AKAP9: variants seen among roughly 807,000 people sequenced by gnomAD.
The protein encoded by AKAP9 is A-kinase anchor protein 9.
AKAP9 carries 311 observed loss-of-function variants against 488.5 expected under a neutral mutation model. The observed-to-expected ratio is 0.64, with a 90% CI of 0.58 to 0.70. The LOEUF (loss-of-function observed/expected upper bound fraction) is 0.70. Ranked by LOEUF, AKAP9 falls within the 30% of genes least tolerant of loss-of-function variation. The probability of loss-of-function intolerance (pLI) is 0.00; values close to 1 mark genes in which losing one functional copy is unlikely to be tolerated. For missense variants in AKAP9, 4,215 were observed against 4,374.5 expected (o/e 0.96, Z 1.03); for synonymous variants, 1,462 against 1,483.5 (o/e 0.99, Z 0.33).
intron 1 of AKAP9, among the ~76,000 whole-genome samples, chr7:91,971,275 ATTCT>A (rs987768203): frequency 2.0e-5 from 3 of 151,888 alleles, no homozygotes; most frequent in Non-Finnish European, 4.4e-5. Flanking sequence ...GCCTCTAATG[ATTCT>A]TTCTGTTCAG....
intron 16 of AKAP9, among the ~76,000 whole-genome samples, chr7:92,032,914 C>G (rs542751778): frequency 1.3e-5 from 2 of 151,960 alleles, no homozygotes; most frequent in African/African-American, 4.8e-5. Flanking sequence ...CCTTTAAATT[C>G]TTGTTCTTTT....
chr7:91,980,294 A>C lies in AKAP9; in HGVS notation c.312A>C (p.Glu104Asp). The change falls in exon 3 of 50, where the codon GAA (glutamate) becomes GAC (aspartate). Residue 104 changes from glutamate (E) to aspartate (D), a missense_variant. By Grantham distance (45) the Glu-to-Asp change is conservative. Coordinates refer to ENST00000356239, the MANE Select transcript of AKAP9 (RefSeq NM_005751.5). Reference sequence around the variant, plus strand: ...GGTTTTTATTTTTGTTTTAGCTGGAAAGTGAAATTTCAACCACAGCAGATG... The same window carrying C: ...GGTTTTTATTTTTGTTTTAGCTGGACAGTGAAATTTCAACCACAGCAGATG... ...SHEQGFSVEL[E>D]SEISTTADDC... is the part of the protein sequence containing the mutation. The C allele has an allele frequency of 6.3e-7, 1 of 1,583,954 alleles. No homozygotes were observed.
intron 5 of AKAP9, 45 bp downstream of exon 5, chr7:91,993,100 A>G: frequency 6.2e-7 from 1 of 1,607,882 alleles, no homozygotes; most frequent in Non-Finnish European, 8.5e-7. Context: ...TCACAAAAAC[A>G]AAAACAGGAA....
Position 91,973,871 on chromosome 7 carries a change from C to A in AKAP9, c.209C>A (p.Ser70Tyr), listed in dbSNP as rs765951390. 3.7e-6 allele frequency: 6 copies of A among 1,613,832 alleles called. No individual in the cohort carries two copies. Among genetic ancestry groups the A allele is most frequent in the Non-Finnish European group, 5.1e-6 (6 of 1,179,960 alleles). Residue 70 changes from serine (S) to tyrosine (Y), a missense_variant, in exon 2 of 50, where the codon TCT (serine) becomes TAT (tyrosine). Transcript: ENST00000356239. ...TGTAATGAAATGTACATAAATAGTT[C>A]TCAGAGAGTAGAATCAACTGTGATT... is the stretch of plus-strand genomic sequence containing the variant. ...SQCNEMYINS[S>Y]QRVESTVIPE...
intron 1 of AKAP9, among the ~76,000 whole-genome samples, chr7:91,961,166 C>CT (rs966301346): frequency 7.7e-4 from 112 of 145,722 alleles, no homozygotes; most frequent in South Asian, 3.7e-3. Context: ...AAAAACTTGG[C>CT]TTTTTTTTTT....
In AKAP9 at chr7:92,086,389, CTGTT is replaced by C. The variant is rs766362164; in HGVS notation, c.9189_9192del (p.Cys3063TrpfsTer38). 2 of 1,613,854 alleles carry C rather than the reference CTGTT, an allele frequency of 1.2e-6. No individual in the cohort carries two copies. Among genetic ancestry groups the C allele is most frequent in the Admixed American group, 3.3e-5 (2 of 60,008 alleles). On this transcript the variant is annotated frameshift_variant, in exon 37 of 50. Transcript: ENST00000356239. LOFTEE classifies it high-confidence loss of function. The stretch of plus-strand genomic sequence containing the variant: ...CTACAGATGCAGTTGGTTTACTAAA[CTGTT>C]TGGAACAGAGAATACAAGAACAGGT...
At chr7:92,033,901 T>C (rs1022820729) in intron 16 of AKAP9, among the ~76,000 whole-genome samples, 3 of 152,230 alleles carry the variant, frequency 2.0e-5, no homozygotes, top group African/African-American at 4.8e-5. Flanking sequence ...TGCTGAAGTA[T>C]AACAGAGAAT....
rs1806350635 is a variant in AKAP9, at chr7:92,042,882, C to A, written c.5162+111C>A. 4.1e-6 allele frequency: 3 copies of A among 739,362 alleles called. No individual in the cohort carries two copies. The Admixed American group carries it at 6.1e-5, about 15-fold the overall frequency. The allele number at this position is 739,362 out of a possible 1,614,324, so 45.8% of individuals were successfully genotyped here. On this transcript the variant is annotated intron_variant, in intron 20 of 49. Coordinates refer to ENST00000356239, the MANE Select transcript of AKAP9 (RefSeq NM_005751.5). ...TACATTGATACTTTGTCTTAAAAAT[C>A]ATCATACCATCTGTGTATGAAACAT... is the stretch of plus-strand genomic sequence containing the variant.
intron 24 of AKAP9, 119 bp downstream of exon 24, chr7:92,062,605 T>A: frequency 1.3e-6 from 1 of 799,536 alleles, no homozygotes; most frequent in African/African-American, 1.8e-5. Flanking sequence ...TAGAGAGATT[T>A]AAAAAATTAT....
chr7:92,103,502 T>C (rs1223063121), intron 46 of AKAP9, among the ~76,000 whole-genome samples: 1 of 151,096 alleles, frequency 6.6e-6, no homozygotes, highest in Non-Finnish European at 1.5e-5. Context: ...GAGACCATCC[T>C]GGCTATGCTG....
intron 28 of AKAP9, among the ~76,000 whole-genome samples, chr7:92,073,340 C>A (rs375742812): frequency 7.6e-4 from 97 of 126,986 alleles, no homozygotes; most frequent in Middle Eastern, 4.1e-3. Context: ...ACTAAAAATA[C>A]AAAAAAAAAA....
chr7:91,971,560 CTTTTTTTTTTTT>C (rs71107844), intron 1 of AKAP9, among the ~76,000 whole-genome samples: 5 of 68,560 alleles, frequency 7.3e-5, no homozygotes, highest in Admixed American at 6.4e-4. Flanking sequence ...ACATCTATTT[CTTTTTTTTTTTT>C]TTTTTTTTTT....
At position 91,995,706 on chromosome 7, in the gene AKAP9, A is replaced by T. The variant is rs1169722692; in HGVS notation, c.836A>T (p.Glu279Val). 6.2e-7 allele frequency: 1 copy of T among 1,613,968 alleles called. No homozygotes were observed. Among genetic ancestry groups the T allele is most frequent in the Non-Finnish European group, 8.5e-7 (1 of 1,179,914 alleles). The change falls in exon 7 of 50, where the codon GAA (glutamate) becomes GTA (valine). Residue 279 changes from glutamate (E) to valine (V), a missense_variant. Physicochemically the swap from Glu to Val is moderately radical, Grantham distance 121. Transcript: ENST00000356239. ...CTCACTCATCAACAGCAGCTTGAAG[A>T]ACAAGACCACTTATTAGAAGATTAT... ...QILTHQQQLE[E>V]QDHLLEDYQK...
At chr7:92,021,496 T>C (rs887587520) in intron 12 of AKAP9, among the ~76,000 whole-genome samples, 2 of 152,200 alleles carry the variant, frequency 1.3e-5, no homozygotes, top group Non-Finnish European at 2.9e-5. Context: ...TAGAGTGCAA[T>C]GGCTCAATCT....
intron 12 of AKAP9, among the ~76,000 whole-genome samples, chr7:92,019,891 A>G (rs968621174): frequency 6.6e-6 from 1 of 151,880 alleles, no homozygotes; most frequent in African/African-American, 2.4e-5. Flanking sequence ...ACACGGGCCT[A>G]TAATCCCAGC....
chr7:92,026,160 C>A (rs1316064799), intron 14 of AKAP9, among the ~76,000 whole-genome samples: 1 of 152,106 alleles, frequency 6.6e-6, no homozygotes, highest in Admixed American at 6.6e-5. Flanking sequence ...GAAGGTACAT[C>A]ATATAAATAG....
chr7:91,942,055 A>G (rs1490611295), intron 1 of AKAP9, among the ~76,000 whole-genome samples: 1 of 152,234 alleles, frequency 6.6e-6, no homozygotes, highest in Non-Finnish European at 1.5e-5. Context: ...ATATTTGAGC[A>G]TATATTTTGT....
At chr7:92,039,228 T>C (rs896310266) in intron 17 of AKAP9, among the ~76,000 whole-genome samples, 1 of 152,160 alleles carries the variant, frequency 6.6e-6, no homozygotes, top group African/African-American at 2.4e-5. Flanking sequence ...ATGTGTTTTA[T>C]TAATTGTAAG....
chr7:91,991,393 A>G (rs1210635884), intron 3 of AKAP9, among the ~76,000 whole-genome samples: 1 of 151,932 alleles, frequency 6.6e-6, no homozygotes, highest in Admixed American at 6.6e-5. Context: ...TGTGCACTAT[A>G]TCCTCAAACT....
Sources: gnomAD v4.1 joint callset for allele counts (sites outside exome capture counted in the v4.1 genomes callset) on GRCh38, gnomAD v4.1.1 for gene constraint, MANE v1.5 for transcripts, NCBI Gene and HGNC (gene_info 2026-07-23, HGNC 2026-07-21) for gene names.